The following PARP12 variants were observed in gnomAD, a reference collection of about 807,000 sequenced individuals.
The protein encoded by PARP12 is poly(ADP-ribose) polymerase family member 12.
A neutral mutation model predicts 72.4 loss-of-function variants in PARP12; 59 were observed. That is an observed-to-expected ratio of 0.81 (90% CI 0.66 to 1.01). The LOEUF (loss-of-function observed/expected upper bound fraction) is 1.01. Ranked by LOEUF, PARP12 falls within the 50% of genes least tolerant of loss-of-function variation. The pLI, the probability that PARP12 is intolerant of heterozygous loss-of-function variation, is 0.00. For missense variants in PARP12, 851 were observed against 914.0 expected (o/e 0.93, Z 0.89); for synonymous variants, 403 against 371.4 (o/e 1.09, Z -0.98).
chr7:140,024,945 C>T (rs1219016495), intron 11 of PARP12, 60 bp from the exon 12 acceptor site: 1 of 1,504,762 alleles, frequency 6.6e-7, no homozygotes, highest in African/African-American at 1.4e-5. Flanking sequence ...AGGGTCAGCA[C>T]ACTGCGAATA....
chr7:140,059,693 A>G (rs763696630), intron 1 of PARP12, among the ~76,000 whole-genome samples: 9 of 152,168 alleles, frequency 5.9e-5, no homozygotes, highest in African/African-American at 1.2e-4. Flanking sequence ...CTCCCACTGC[A>G]CAGACCAAAA....
At chr7:140,046,792 T>A in intron 5 of PARP12, 92 bp downstream of exon 5, 1 of 1,023,700 alleles carries the variant, frequency 9.8e-7, no homozygotes, top group Non-Finnish European at 1.3e-6. Flanking sequence ...CAGACTAGGC[T>A]GCTCACAGTG....
chr7:140,046,757 T>TGTGTGTGTGTGA, intron 5 of PARP12, 127 bp downstream of exon 5: 2 of 833,548 alleles, frequency 2.4e-6, no homozygotes, highest in South Asian at 1.8e-5. Context: ...TGTGTGTGTG[T>TGTGTGTGTGTGA]CACACACAGA....
intron 1 of PARP12, among the ~76,000 whole-genome samples, chr7:140,058,948 A>G (rs1453030839): frequency 6.6e-6 from 1 of 152,030 alleles, no homozygotes; most frequent in African/African-American, 2.4e-5. Context: ...ATACAAAATT[A>G]GCCGGGCGAG....
intron 8 of PARP12, among the ~76,000 whole-genome samples, chr7:140,030,605 A>ACATG (rs1554511768): frequency 9.5e-4 from 144 of 152,180 alleles, no homozygotes; most frequent in African/African-American, 3.3e-3. Context: ...CAAAATACAT[A>ACATG]CATACATACA....
At chr7:140,048,062 G>C (rs975842186) in intron 4 of PARP12, among the ~76,000 whole-genome samples, 1 of 152,168 alleles carries the variant, frequency 6.6e-6, no homozygotes, top group Non-Finnish European at 1.5e-5. Context: ...GTGGCAGGTG[G>C]ACGGGCAGAG....
chr7:140,055,352 A>G (rs903626704), intron 3 of PARP12, among the ~76,000 whole-genome samples: 4 of 152,232 alleles, frequency 2.6e-5, no homozygotes, highest in African/African-American at 9.6e-5. Flanking sequence ...AAGCCCCTTT[A>G]ATTAATTTTA....
At chr7:140,052,852 A>G (rs1190155930) in intron 4 of PARP12, among the ~76,000 whole-genome samples, 1 of 152,130 alleles carries the variant, frequency 6.6e-6, no homozygotes, top group African/African-American at 2.4e-5. Flanking sequence ...GTACATGTAA[A>G]TAAAAGTTAA....
At chr7:140,058,153 G>A in intron 1 of PARP12, 119 bp from the exon 2 acceptor site, 1 of 1,166,562 alleles carries the variant, frequency 8.6e-7, no homozygotes, top group Non-Finnish European at 1.2e-6. Context: ...GGTCTCTAAA[G>A]AGGTAATTAA....
rs200630629 is a variant in PARP12 at position 140,046,922 on chromosome 7, T to C, written c.948A>G (p.Glu316=). 1.4e-5 allele frequency: 23 copies of C among 1,614,024 alleles called. No homozygotes were observed. The highest frequency in any genetic ancestry group is 3.3e-5 in the Admixed American group (2 of 60,012). Residue 316 remains glutamate, a synonymous_variant, in exon 5 of 12, where the codon GAA becomes GAG. Transcript: ENST00000263549. ...GATTGCAATATGCCTCTTCAATAAGTTCCATGTTGTCCAAATCCTCCCATT... is the reference window on the plus strand; with the variant it reads ...GATTGCAATATGCCTCTTCAATAAGCTCCATGTTGTCCAAATCCTCCCATT... The part of the protein sequence containing the change: ...RGKWEDLDNM[E]LIEEAYCNPK...
intron 7 of PARP12, among the ~76,000 whole-genome samples, chr7:140,035,929 G>C (rs1569526856): frequency 0.019 from 1,447 of 77,392 alleles, 266 homozygotes; most frequent in African/African-American, 0.074. Context: ...AGGAGGACAA[G>C]GAGGAGGAGG....
rs777459779 is a variant in PARP12, at chr7:140,062,775, C to G, written c.73G>C (p.Glu25Gln). Reference protein sequence around the residue: ...CAAGGALELPELRRRLRMGLS... With the variant: ...CAAGGALELPQLRRRLRMGLS... The stretch of plus-strand genomic sequence containing the variant: ...CCCATCCGCAAGCGGCGCCGCAGCT[C>G]GGGCAACTCCAGGGCGCCCCCGGCC... The change falls in exon 1 of 12, where the codon GAG (glutamate) becomes CAG (glutamine). Residue 25 changes from glutamate to glutamine, a missense_variant. By Grantham distance (29) the Glu-to-Gln change is conservative (BLOSUM62 2). Around this residue, in one of 3 missense-constraint regions of PARP12, gnomAD observed 492 missense variants for 489.3 expected, o/e 1.01. Coordinates refer to ENST00000263549, the MANE Select transcript of PARP12 (RefSeq NM_022750.4). 5.0e-6 allele frequency: 7 copies of G among 1,401,200 alleles called. No individual in the cohort carries two copies. The highest frequency in any genetic ancestry group is 2.8e-5 in the South Asian group (2 of 70,332). The allele number at this position is 1,401,200 out of a possible 1,614,324, so 86.8% of individuals were successfully genotyped here.
At chr7:140,041,960 A>G in intron 5 of PARP12, 121 bp from the exon 6 acceptor site, 2 of 840,006 alleles carry the variant, frequency 2.4e-6, no homozygotes, top group Admixed American at 2.8e-5. Flanking sequence ...CATTTTAGAA[A>G]AAGTTCCCAG....
chr7:140,056,688 G>A (rs149167549), intron 3 of PARP12, among the ~76,000 whole-genome samples, 168 bp downstream of exon 3: 441 of 152,274 alleles, frequency 2.9e-3, no homozygotes, highest in Non-Finnish European at 4.3e-3. Flanking sequence ...CCTCACCCCC[G>A]CACTCCCTGC....
Position 140,027,261 on chromosome 7 carries a change from C to T in PARP12, c.1628+15G>A, listed in dbSNP as rs369964779. Reference sequence around the variant, plus strand: ...GACAGAGTCACCAGCCCACCAAGAGCGAGCCCCAACGCACCACTGGTAGAC... The same window carrying T: ...GACAGAGTCACCAGCCCACCAAGAGTGAGCCCCAACGCACCACTGGTAGAC... On this transcript the variant is annotated intron_variant, in intron 10 of 11. Coordinates refer to ENST00000263549, the MANE Select transcript of PARP12 (RefSeq NM_022750.4). 5.4e-4 allele frequency: 870 copies of T among 1,610,030 alleles called. No homozygotes were observed. The highest frequency in any genetic ancestry group is 6.0e-4 in the Non-Finnish European group (701 of 1,177,184).
chr7:140,057,718 G>A, intron 2 of PARP12, 181 bp downstream of exon 2: 5 of 793,984 alleles, frequency 6.3e-6, no homozygotes, highest in Non-Finnish European at 7.7e-6. Flanking sequence ...GAACTGGGTT[G>A]TTGGCAAAGC....
chr7:140,045,175 A>G (rs1016977082), intron 5 of PARP12, among the ~76,000 whole-genome samples: 2 of 152,124 alleles, frequency 1.3e-5, no homozygotes, highest in Admixed American at 6.6e-5. Context: ...GACTACAGGC[A>G]CGCGCCACCA....
chr7:140,033,691 C>T, intron 8 of PARP12: 2 of 985,430 alleles, frequency 2.0e-6, no homozygotes, highest in Non-Finnish European at 2.4e-6. Flanking sequence ...AGGTTTCTCT[C>T]CTCCCTTCTA....
chr7:140,057,793 C>A, intron 2 of PARP12, 106 bp downstream of exon 2: 1 of 1,470,548 alleles, frequency 6.8e-7, no homozygotes, highest in Non-Finnish European at 9.1e-7. Flanking sequence ...GAAACCAGAC[C>A]AGAGATCACC....
Sources: gnomAD v4.1 joint callset for allele counts (sites outside exome capture counted in the v4.1 genomes callset) on GRCh38, gnomAD v4.1.1 for gene constraint, gnomAD v4.1.1 regional missense constraint, MANE v1.5 for transcripts, NCBI Gene and HGNC (gene_info 2026-07-23, HGNC 2026-07-21) for gene names.